The following TMEM117 variants were observed in gnomAD, a reference collection of about 807,000 sequenced individuals.
The protein encoded by TMEM117 is transmembrane protein 117.
Under a neutral mutation model 52.4 loss-of-function variants are expected in TMEM117, and 27 were observed. That is an observed-to-expected ratio of 0.51 (90% CI 0.38 to 0.71). The LOEUF is 0.71. TMEM117 is among the 30% of genes least tolerant of loss of function. The probability of loss-of-function intolerance (pLI) is 0.00; values close to 1 mark genes in which losing one functional copy is unlikely to be tolerated. For missense variants in TMEM117, 556 were observed against 630.5 expected, an observed-to-expected ratio of 0.88 and a Z score of 1.26; for synonymous variants, 215 against 206.3, an observed-to-expected ratio of 1.04 and a Z score of -0.36.
the TMEM117 span, among the ~76,000 whole-genome samples, chr12:43,820,894 G>A: frequency 6.6e-6 from 1 of 151,754 alleles, no homozygotes. Flanking sequence ...GAGGTCAGGA[G>A]ACCATCCTGG....
chr12:44,375,555 C>G (rs1951929786), intron 6 of TMEM117, among the ~76,000 whole-genome samples: 1 of 152,060 alleles, frequency 6.6e-6, no homozygotes, highest in African/African-American at 2.4e-5. Flanking sequence ...AGTTTAGGCA[C>G]TATATTACTA....
intron 2 of TMEM117, among the ~76,000 whole-genome samples, chr12:43,907,566 C>G (rs529429965): frequency 6.7e-6 from 1 of 148,544 alleles, no homozygotes; most frequent in African/African-American, 2.4e-5. Context: ...GGAGGACATT[C>G]AAACCAAAGG....
intron 4 of TMEM117, among the ~76,000 whole-genome samples, chr12:44,182,039 G>A (rs1388610788): frequency 6.6e-6 from 1 of 152,030 alleles, no homozygotes; most frequent in East Asian, 1.9e-4. Flanking sequence ...TTGAGCAGTG[G>A]TTTGTAGTTC....
At chr12:44,265,316 T>G (rs1479664819) in intron 5 of TMEM117, among the ~76,000 whole-genome samples, 2 of 133,042 alleles carry the variant, frequency 1.5e-5, no homozygotes, top group East Asian at 4.5e-4. Context: ...GATCATGTAG[T>G]GGGGCTAAGG....
intron 3 of TMEM117, among the ~76,000 whole-genome samples, chr12:44,065,471 C>T (rs1947208364): frequency 6.6e-6 from 1 of 152,100 alleles, no homozygotes; most frequent in South Asian, 2.1e-4. Flanking sequence ...CTGCCTAGTA[C>T]ATTACATATC....
At chr12:44,308,872 G>A (rs1950937724) in intron 6 of TMEM117, among the ~76,000 whole-genome samples, 1 of 152,134 alleles carries the variant, frequency 6.6e-6, no homozygotes. Context: ...GCCCACCTTG[G>A]CCTCCCAAAG....
At chr12:44,384,238 T>G (rs1327780324) in intron 7 of TMEM117, among the ~76,000 whole-genome samples, 3 of 152,102 alleles carry the variant, frequency 2.0e-5, no homozygotes, top group Non-Finnish European at 4.4e-5. Context: ...AGAGGTCATG[T>G]CAGATGGGCA....
chr12:44,136,897 A>G (rs1948498788), intron 3 of TMEM117, among the ~76,000 whole-genome samples: 1 of 152,146 alleles, frequency 6.6e-6, no homozygotes, highest in South Asian at 2.1e-4. Flanking sequence ...CATCATAATT[A>G]CATGGCACAC....
At chr12:44,270,427 G>A (rs1455795993) in intron 5 of TMEM117, among the ~76,000 whole-genome samples, 1 of 152,064 alleles carries the variant, frequency 6.6e-6, no homozygotes, top group Admixed American at 6.6e-5. Flanking sequence ...GGTCGCTGTT[G>A]GTGTACAGCA....
At chr12:43,853,973 G>T (rs1005882396) in intron 2 of TMEM117, among the ~76,000 whole-genome samples, 13 of 152,106 alleles carry the variant, frequency 8.5e-5, no homozygotes, top group Admixed American at 7.9e-4. Context: ...TTTTGGAGTT[G>T]GGGTAAAAGC....
At chr12:43,940,592 A>G (rs371527961) in intron 2 of TMEM117, among the ~76,000 whole-genome samples, 1 of 151,628 alleles carries the variant, frequency 6.6e-6, no homozygotes, top group South Asian at 2.1e-4. Flanking sequence ...TGCAAGCTGG[A>G]GTGCAATGGT....
At chr12:43,966,974 C>A (rs927710602) in intron 3 of TMEM117, among the ~76,000 whole-genome samples, 1 of 152,124 alleles carries the variant, frequency 6.6e-6, no homozygotes, top group African/African-American at 2.4e-5. Flanking sequence ...ATGACTATAA[C>A]TGTGTAGTGG....
intron 4 of TMEM117, among the ~76,000 whole-genome samples, chr12:44,204,488 A>G (rs765063347): frequency 2.6e-5 from 4 of 152,068 alleles, no homozygotes; most frequent in South Asian, 2.1e-4. Context: ...AAATTGCTGT[A>G]TTTTCTGCAG....
rs1465323819 is a variant in TMEM117, at chr12:44,152,727, A to C, written c.510+9103A>C. On this transcript the variant is annotated intron_variant, in intron 4 of 7. Coordinates refer to ENST00000266534, the MANE Select transcript of TMEM117 (RefSeq NM_032256.3). ...TTTATATATACTATATATAATATAA[A>C]TATATTTATATTTATAATTATATTT... Among the ~76,000 whole-genome samples the C allele has an allele frequency of 2.9e-5, 4 of 137,074 alleles. No individual in the cohort carries two copies. The East Asian group carries it at 8.5e-4, about 29-fold the overall frequency. The allele number at this position is 137,074 out of a possible 152,430, so 89.9% of individuals were successfully genotyped here. A position where few individuals can be genotyped will look rare whatever the true frequency, so the allele number is the denominator to read the frequency against.
intron 2 of TMEM117, among the ~76,000 whole-genome samples, chr12:43,852,211 C>T (rs1388579082): frequency 2.0e-5 from 3 of 152,154 alleles, no homozygotes; most frequent in South Asian, 4.1e-4. Context: ...TCGGGCGGAT[C>T]ACGAGGTCAG....
intron 2 of TMEM117, among the ~76,000 whole-genome samples, chr12:43,852,198 G>A (rs1592306817): frequency 6.6e-6 from 1 of 152,152 alleles, no homozygotes; most frequent in African/African-American, 2.4e-5. Flanking sequence ...TTGGGAGGCC[G>A]AGTCGGGCGG....
intron 3 of TMEM117, among the ~76,000 whole-genome samples, chr12:44,138,188 C>A (rs1206063432): frequency 6.6e-6 from 1 of 152,024 alleles, no homozygotes; most frequent in African/African-American, 2.4e-5. Flanking sequence ...TGCTAGAAAT[C>A]CCCATAGTGT....
At chr12:44,236,260 A>G (rs1415031550) in intron 5 of TMEM117, among the ~76,000 whole-genome samples, 1 of 151,994 alleles carries the variant, frequency 6.6e-6, no homozygotes, top group African/African-American at 2.4e-5. Context: ...AGTTAAATAC[A>G]TATTAAGCCT....
At chr12:44,355,327 T>C (rs1331180739) in intron 6 of TMEM117, among the ~76,000 whole-genome samples, 2 of 152,072 alleles carry the variant, frequency 1.3e-5, no homozygotes, top group Non-Finnish European at 2.9e-5. Flanking sequence ...ATAGCATTAA[T>C]TCCTTTTGAT....
Sources: allele counts gnomAD v4.1 joint callset (sites outside exome capture counted in the v4.1 genomes callset), GRCh38; gene constraint gnomAD v4.1.1; transcripts MANE v1.5; gene names NCBI Gene and HGNC (gene_info 2026-07-23, HGNC 2026-07-21).